The following ASXL3 variants were observed in gnomAD, a reference collection of about 807,000 sequenced individuals.
The protein encoded by ASXL3 is ASXL transcriptional regulator 3.
A neutral mutation model predicts 170.6 loss-of-function variants in ASXL3; 34 were observed. That is an observed-to-expected ratio of 0.20 (90% confidence interval 0.15 to 0.27). The LOEUF (loss-of-function observed/expected upper bound fraction) is 0.27. ASXL3 is among the 10% of genes least tolerant of loss of function. The pLI, the probability that ASXL3 is intolerant of heterozygous loss-of-function variation, is 1.00. For synonymous variants in ASXL3, 1,002 were observed against 989.1 expected, an observed-to-expected ratio of 1.01 and a Z score of -0.24; for missense variants, 2,592 against 2,695.3, an observed-to-expected ratio of 0.96 and a Z score of 0.85.
At chr18:33,662,732 C>T (rs1193570815) in intron 5 of ASXL3, among the ~76,000 whole-genome samples, 2 of 152,160 alleles carry the variant, frequency 1.3e-5, no homozygotes, top group Non-Finnish European at 2.9e-5. Flanking sequence ...CCCCTTCAGC[C>T]ACCCATTGAT....
chr18:33,729,303 A>C (rs751470729), intron 8 of ASXL3, among the ~76,000 whole-genome samples: 7 of 152,100 alleles, frequency 4.6e-5, no homozygotes, highest in Non-Finnish European at 1.0e-4. Context: ...ATTTTTCTAC[A>C]GTCTGTTGTC....
intron 1 of ASXL3, among the ~76,000 whole-genome samples, chr18:33,601,450 C>T (rs982830671): frequency 2.6e-5 from 4 of 151,916 alleles, no homozygotes; most frequent in Non-Finnish European, 5.9e-5. Flanking sequence ...TCTTATCTAA[C>T]ATCAGACATC....
chr18:33,581,960 A>G (rs947965567), intron 1 of ASXL3, among the ~76,000 whole-genome samples: 9 of 152,122 alleles, frequency 5.9e-5, no homozygotes, highest in Admixed American at 2.6e-4. Flanking sequence ...GCCCTGCATC[A>G]GTTGCAGAAA....
At chr18:33,679,082 A>G (rs749732185) in intron 7 of ASXL3, among the ~76,000 whole-genome samples, 1 of 152,166 alleles carries the variant, frequency 6.6e-6, no homozygotes, top group Non-Finnish European at 1.5e-5. Flanking sequence ...AGAAAATAAA[A>G]CGTTTTACAT....
rs2067807666 is a variant in ASXL3, at chr18:33,747,064, A to G, written c.*469A>G. The G allele has an allele frequency of 2.0e-5, 3 of 153,456 alleles. No individual in the cohort carries two copies. Among genetic ancestry groups the G allele is most frequent in the African/African-American group, 7.2e-5 (3 of 41,506 alleles). 9.5% of individuals were successfully genotyped at this position (153,456 alleles called of 1,614,324 possible). A position where few individuals can be genotyped will look rare whatever the true frequency, so the allele number is the denominator to read the frequency against. ...AACCTAGCTTTACCACAGTGATTAA[A>G]TCCTATTTAGAAAGGGGAATCTGAT... On this transcript the variant is annotated 3_prime_UTR_variant, in exon 12 of 12. Transcript: ENST00000269197.
At chr18:33,683,362 C>T (rs543124791) in intron 7 of ASXL3, 43 bp from the exon 8 acceptor site, 7 of 1,560,618 alleles carry the variant, frequency 4.5e-6, no homozygotes, top group South Asian at 3.6e-5. Context: ...ACACGTTTCC[C>T]TCTACCTGTA....
chr18:33,711,253 T>C (rs1472643308), intron 8 of ASXL3, among the ~76,000 whole-genome samples: 3 of 152,214 alleles, frequency 2.0e-5, no homozygotes, highest in Non-Finnish European at 4.4e-5. Context: ...ATTTTTAATG[T>C]CCATGGAATT....
Position 33,744,888 on chromosome 18 carries a change from A to T in ASXL3, c.5040A>T (p.Arg1680Ser), listed in dbSNP as rs1465747648. 6.2e-7 allele frequency: 1 copy of T among 1,614,030 alleles called. No homozygotes were observed. The highest frequency in any genetic ancestry group is 2.2e-5 in the East Asian group (1 of 44,870). The change falls in exon 12 of 12, where the codon AGA becomes AGT. Residue 1680 changes from arginine (R) to serine (S), a missense_variant. Arg to Ser is a moderately radical substitution (Grantham distance 110). Around this residue, in one of 4 missense-constraint regions of ASXL3, gnomAD observed 2,246 missense variants for 2,219.6 expected, o/e 1.01. Coordinates refer to ENST00000269197, the MANE Select transcript of ASXL3 (RefSeq NM_030632.3). ...TTCACGAAGCAGACAAGGGCTTTAGAATGGACACTGAAGACTTCCCTGGCC... is the reference window on the plus strand; with the variant it reads ...TTCACGAAGCAGACAAGGGCTTTAGTATGGACACTGAAGACTTCCCTGGCC... ...SELHEADKGF[R>S]MDTEDFPGPE...
At chr18:33,672,890 T>C (rs1480968428) in intron 7 of ASXL3, among the ~76,000 whole-genome samples, 1 of 152,186 alleles carries the variant, frequency 6.6e-6, no homozygotes, top group African/African-American at 2.4e-5. Flanking sequence ...TTATTTATAT[T>C]TAAATAAGAG....
chr18:33,627,857 A>G (rs2065624537), intron 2 of ASXL3, among the ~76,000 whole-genome samples: 1 of 152,106 alleles, frequency 6.6e-6, no homozygotes, highest in South Asian at 2.1e-4. Flanking sequence ...GTTCTTGGTT[A>G]TTTATTTATA....
rs1458483780 is a variant in ASXL3 at position 33,671,253 on chromosome 18, C to G, written c.595+463C>G. Among the ~76,000 whole-genome samples, 3 of 152,262 alleles carry G rather than the reference C, an allele frequency of 2.0e-5. No homozygotes were observed. The East Asian group carries it at 5.8e-4, about 29-fold the overall frequency. ...TCTTCTCACCCCAGTGCAGCCCTGA[C>G]CTTGTCTTCTAATTTACCTTGTGTC... On this transcript the variant is annotated intron_variant, in intron 6 of 11. Transcript: ENST00000269197.
chr18:33,614,358 T>A (rs1483586085), intron 2 of ASXL3: 1 of 152,192 alleles, frequency 6.6e-6, no homozygotes, highest in Non-Finnish European at 1.5e-5. Flanking sequence ...CTGTGAAAGT[T>A]TTATCATGAG....
chr18:33,584,263 G>T (rs1426809851), intron 1 of ASXL3, among the ~76,000 whole-genome samples: 4 of 151,808 alleles, frequency 2.6e-5, no homozygotes, highest in Non-Finnish European at 5.9e-5. Flanking sequence ...CAGAAGACTT[G>T]GGGGGGCATA....
rs568221465 is a variant in ASXL3, at chr18:33,676,222, C to CAAAAAAAAAAAAAAAAAAAAAAAAAA, written c.715+4381_715+4382insAAAAAAAAAAAAAAAAAAAAAAAAAA. ...CTGGGTGACGAGCGAGACTCCGTCT[C>CAAAAAAAAAAAAAAAAAAAAAAAAAA]AAAAAAAAAAAAAAAAAAAAAAAAA... is the stretch of plus-strand genomic sequence containing the variant. On this transcript the variant is annotated intron_variant, in intron 7 of 11. Transcript: ENST00000269197. Among the ~76,000 whole-genome samples the CAAAAAAAAAAAAAAAAAAAAAAAAAA allele has an allele frequency of 9.1e-4, 38 of 41,718 alleles. 4 individuals carry two copies. The highest frequency in any genetic ancestry group is 2.0e-3 in the Admixed American group (6 of 3,022). 27.4% of individuals were successfully genotyped at this position (41,718 alleles called of 152,430 possible). A position where few individuals can be genotyped will look rare whatever the true frequency, so the allele number is the denominator to read the frequency against.
At chr18:33,600,440 A>G (rs1455904193) in intron 1 of ASXL3, among the ~76,000 whole-genome samples, 1 of 152,164 alleles carries the variant, frequency 6.6e-6, no homozygotes, top group African/African-American at 2.4e-5. Flanking sequence ...TTTAATAGTT[A>G]CTAAGCTCTT....
intron 2 of ASXL3, among the ~76,000 whole-genome samples, chr18:33,626,237 A>G (rs1311201189): frequency 6.6e-6 from 1 of 151,996 alleles, no homozygotes; most frequent in East Asian, 1.9e-4. Flanking sequence ...TTCTTTTTTG[A>G]TTTTTATGTA....
rs781138682 is a variant in ASXL3 at position 33,744,138 on chromosome 18, C to T, written c.4290C>T (p.Pro1430=). ...CAATAAACTCTTATGATAGTCCTCC[C>T]AAGTTAAGTGCTGAAAGCTTGGACA... ...MLTINSYDSP[P]KLSAESLDKN... Residue 1430 remains proline (P), a synonymous_variant, in exon 12 of 12, where the codon CCC becomes CCT. Coordinates refer to ENST00000269197, the MANE Select transcript of ASXL3 (RefSeq NM_030632.3). 1 of 1,614,002 alleles carries T rather than the reference C, an allele frequency of 6.2e-7. No individual in the cohort carries two copies. Among genetic ancestry groups the T allele is most frequent in the South Asian group, 1.1e-5 (1 of 91,080 alleles).
At chr18:33,651,933 A>G (rs2066005243) in intron 4 of ASXL3, among the ~76,000 whole-genome samples, 1 of 152,058 alleles carries the variant, frequency 6.6e-6, no homozygotes, top group African/African-American at 2.4e-5. Context: ...TATATTTTTA[A>G]TTGTGGAATT....
chr18:33,653,290 C>T (rs1160307017), intron 4 of ASXL3, among the ~76,000 whole-genome samples: 3 of 151,992 alleles, frequency 2.0e-5, no homozygotes, highest in Non-Finnish European at 2.9e-5. Context: ...TACCTGGCAG[C>T]CATTCCTAAG....
Sources: allele counts gnomAD v4.1 joint callset (sites outside exome capture counted in the v4.1 genomes callset), GRCh38; gene constraint gnomAD v4.1.1; regional missense constraint gnomAD v4.1.1; transcripts MANE v1.5; gene names NCBI Gene and HGNC (gene_info 2026-07-23, HGNC 2026-07-21).